GIPR: variants seen among roughly 807,000 people sequenced by gnomAD.
The protein encoded by GIPR is gastric inhibitory polypeptide receptor.
A neutral mutation model predicts 62.2 loss-of-function variants in GIPR; 74 were observed. The ratio of observed to expected loss-of-function variants is 1.19; its 90% CI spans 0.99 to 1.44. GIPR has a LOEUF of 1.44. Ranked by LOEUF, GIPR falls within the 40% of genes most tolerant of loss-of-function variation. GIPR has a pLI of 0.00. For synonymous variants in GIPR, 256 were observed against 262.2 expected (o/e 0.98, Z 0.23); for missense variants, 664 against 611.8 (o/e 1.09, Z -0.90).
At chr19:45,669,152 A>G (rs369286864) in intron 1 of GIPR, among the ~76,000 whole-genome samples, 74 of 151,974 alleles carry the variant, frequency 4.9e-4, no homozygotes, top group Middle Eastern at 3.4e-3. Context: ...TGACACTGAC[A>G]CTTCCGCCCA....
rs550405192 is a variant in GIPR at position 45,677,372 on chromosome 19, C to G, written c.843C>G (p.Tyr281Ter). 7.1e-5 allele frequency: 112 copies of G among 1,586,866 alleles called. 1 individual carries two copies. The East Asian group carries it at 2.4e-3, about 34-fold the overall frequency. ...CCTGGGTGATCGTCAGGTACCTGTA[C>G]GAGAACACGCAGTGAGTTGCAGGGT... is the stretch of plus-strand genomic sequence containing the variant. ...VIPWVIVRYL[Y>*]ENTQCWERNE... The change falls in exon 9 of 14, where the codon TAC becomes TAG. Residue 281 changes from tyrosine (Y) to a stop codon, truncating the protein, a stop_gained. Coordinates refer to ENST00000590918, the MANE Select transcript of GIPR (RefSeq NM_000164.4). LOFTEE classifies it high-confidence loss of function.
chr19:45,678,028 G>A (rs941120129), intron 11 of GIPR, 34 bp downstream of exon 11: 2 of 1,611,938 alleles, frequency 1.2e-6, no homozygotes, highest in African/African-American at 1.3e-5. Flanking sequence ...AGGGGAAGGG[G>A]CCGGGTGCGA....
rs754507948 is a variant in GIPR, at chr19:45,674,876, G to A, written c.633+50G>A. 9 of 1,572,538 alleles carry A rather than the reference G, an allele frequency of 5.7e-6. No homozygotes were observed. The South Asian group carries it at 8.9e-5, about 16-fold the overall frequency. On this transcript the variant is annotated intron_variant, in intron 7 of 13. Transcript: ENST00000590918. ...CAAATGGGAATCTTGCTTCTCTGGT[G>A]GGACCAGGAAGTTCTCAGTCCATTT...
In GIPR at chr19:45,674,691, T is replaced by C. The variant is rs765411063; in HGVS notation, c.498T>C (p.His166=). 38 of 1,613,842 alleles carry C rather than the reference T, an allele frequency of 2.4e-5. No homozygotes were observed. The highest frequency in any genetic ancestry group is 3.2e-5 in the Non-Finnish European group (38 of 1,179,952). ...LLILSLFRRL[H]CTRNYIHINL... The stretch of plus-strand genomic sequence containing the variant: ...TTCCAAATTCCCCTAGGCGGCTACA[T>C]TGCACTAGAAACTATATCCACATCA... Residue 166 remains histidine, a synonymous_variant, in exon 7 of 14, where the codon CAT becomes CAC. Transcript: ENST00000590918.
intron 7 of GIPR, 88 bp from the exon 8 acceptor site, chr19:45,676,861 C>T (rs1053009828): frequency 3.4e-6 from 4 of 1,165,906 alleles, no homozygotes; most frequent in South Asian, 1.2e-5. Flanking sequence ...TGGCAAGAGA[C>T]GGGGTGGAAG....
chr19:45,671,846 T>C (rs1394661886), intron 4 of GIPR, among the ~76,000 whole-genome samples: 1 of 151,220 alleles, frequency 6.6e-6, no homozygotes, highest in Non-Finnish European at 1.5e-5. Context: ...GGTCTCGAAC[T>C]CCTAACCTCA....
chr19:45,678,042 G>A (rs1253539882), intron 11 of GIPR, 46 bp from the exon 12 acceptor site: 2 of 1,611,768 alleles, frequency 1.2e-6, no homozygotes, highest in Non-Finnish European at 1.7e-6. Flanking sequence ...GGTGCGAGAT[G>A]GGGAACCAGG....
At chr19:45,678,398 C>A in intron 12 of GIPR, 172 bp downstream of exon 12, 1 of 817,092 alleles carries the variant, frequency 1.2e-6, no homozygotes, top group Non-Finnish European at 2.0e-6. Flanking sequence ...GATTCTCGCC[C>A]TGTCGCCCAG....
intron 7 of GIPR, among the ~76,000 whole-genome samples, chr19:45,676,342 G>C (rs944312121): frequency 6.6e-6 from 1 of 151,994 alleles, no homozygotes; most frequent in Non-Finnish European, 1.5e-5. Context: ...GGGAACTGAC[G>C]GCAATGATGG....
In GIPR at chr19:45,674,787, C is replaced by T. The variant is rs1568521686; in HGVS notation, c.594C>T (p.Gly198=). Residue 198 remains glycine, a synonymous_variant, in exon 7 of 14, where the codon GGC becomes GGT. Transcript: ENST00000590918. The part of the protein sequence containing the change: ...LSRDRLLPRP[G]PYLGDQALAL... The stretch of plus-strand genomic sequence containing the variant: ...GAGACCGTCTGCTACCTCGACCTGG[C>T]CCCTACCTTGGGGACCAGGCCCTTG... The T allele has an allele frequency of 6.2e-7, 1 of 1,613,802 alleles. No individual in the cohort carries two copies. Among genetic ancestry groups the T allele is most frequent in the South Asian group, 1.1e-5 (1 of 91,072 alleles).
At chr19:45,674,238 T>A in intron 6 of GIPR, 61 bp downstream of exon 6, 1 of 1,042,978 alleles carries the variant, frequency 9.6e-7, no homozygotes, top group Non-Finnish European at 1.5e-6. Context: ...GTTTGTCCAG[T>A]AAGATGGGGT....
chr19:45,681,322 C>T (rs1356786018), intron 12 of GIPR, among the ~76,000 whole-genome samples: 1 of 152,070 alleles, frequency 6.6e-6, no homozygotes, highest in African/African-American at 2.4e-5. Flanking sequence ...GGATGAAACC[C>T]CGTCTCTACT....
intron 5 of GIPR, among the ~76,000 whole-genome samples, chr19:45,673,640 C>T (rs1233667571): frequency 2.0e-5 from 3 of 151,506 alleles, no homozygotes; most frequent in East Asian, 2.0e-4. Context: ...CCAAGGCGGG[C>T]GGATCACGAG....
In GIPR at chr19:45,673,863, C is replaced by CAAA. The variant is rs35790297; in HGVS notation, c.385-200_385-198dup. Among the ~76,000 whole-genome samples the CAAA allele has an allele frequency of 5.5e-4, 80 of 144,732 alleles. 1 individual carries two copies. Among genetic ancestry groups the CAAA allele is most frequent in the East Asian group, 2.0e-3 (10 of 4,990 alleles). 94.9% of individuals were successfully genotyped at this position (144,732 alleles called of 152,430 possible). On this transcript the variant is annotated intron_variant, in intron 5 of 13. Transcript: ENST00000590918. ...TGGGCAACAAAGCAAGACCATGTCT[C>CAAA]AAAAAAAAAAAAATCTCTGGTTGGC...
At chr19:45,670,554 G>A in intron 2 of GIPR, 81 bp from the exon 3 acceptor site, 2 of 896,602 alleles carry the variant, frequency 2.2e-6, no homozygotes, top group South Asian at 2.8e-5. Flanking sequence ...AGTCTCTCTG[G>A]GGCGCTTCTG....
chr19:45,677,850 C>T, intron 10 of GIPR, 56 bp from the exon 11 acceptor site: 2 of 1,598,372 alleles, frequency 1.3e-6, no homozygotes, highest in South Asian at 1.1e-5. Flanking sequence ...CTGCCACCTC[C>T]TCCTGCCCCT....
rs531819894 is a variant in GIPR, at chr19:45,668,622, C to T, written c.-45+324C>T. On this transcript the variant is annotated intron_variant, in intron 1 of 13. Coordinates refer to ENST00000590918, the MANE Select transcript of GIPR (RefSeq NM_000164.4). ...GTCTCATTCTGTCCCTCCGTCTCTG[C>T]GCCTCTCAGTCTTTACATTTCTGTC... 2.6e-4 allele frequency among the ~76,000 whole-genome samples: 40 copies of T among 152,288 alleles called. 1 individual carries two copies. The South Asian group carries it at 8.1e-3, about 31-fold the overall frequency.
rs187458338 is a variant in GIPR, at chr19:45,682,529, T to A, written c.*594T>A. ...TCCTCCCACCACGGGTCTCTCAAAG[T>A]GCTGGGATTACAGGCGTGAGCCACC... On this transcript the variant is annotated 3_prime_UTR_variant, in exon 14 of 14. Transcript: ENST00000590918. 6.6e-6 allele frequency: 1 copy of A among 152,264 alleles called. No homozygotes were observed. The allele number at this position is 152,264 out of a possible 1,614,324, so 9.4% of individuals were successfully genotyped here.
At chr19:45,673,517 C>T (rs575572266) in intron 5 of GIPR, among the ~76,000 whole-genome samples, 12 of 150,632 alleles carry the variant, frequency 8.0e-5, no homozygotes, top group Admixed American at 4.0e-4. Flanking sequence ...ATTGCTTGAA[C>T]GCAGGATTTT....
Sources: allele counts gnomAD v4.1 joint callset (sites outside exome capture counted in the v4.1 genomes callset), GRCh38; gene constraint gnomAD v4.1.1; transcripts MANE v1.5; gene names NCBI Gene and HGNC (gene_info 2026-07-23, HGNC 2026-07-21).